RGS20: variants seen among roughly 807,000 people sequenced by gnomAD.
RGS20 encodes the protein gz-selective GTPase-activating protein.
In RGS20, 30 loss-of-function variants were observed where a neutral mutation model predicts 33.6. That is an observed-to-expected ratio of 0.89 (90% confidence interval 0.67 to 1.21). RGS20 has a LOEUF of 1.21. Ranked by LOEUF, RGS20 falls within the 50% of genes most tolerant of loss-of-function variation. The pLI is 0.00. For synonymous variants in RGS20, 208 were observed against 197.9 expected, an observed-to-expected ratio of 1.05 and a Z score of -0.43; for missense variants, 472 against 502.4, an observed-to-expected ratio of 0.94 and a Z score of 0.58.
At chr8:53,950,620 G>GT (rs942607346) in intron 4 of RGS20, among the ~76,000 whole-genome samples, 672 of 141,102 alleles carry the variant, frequency 4.8e-3, no homozygotes, top group Middle Eastern at 0.011. Flanking sequence ...TTAATGTTTT[G>GT]TTTTTTTTTT....
chr8:53,949,425 A>T (rs1355303429), intron 4 of RGS20, among the ~76,000 whole-genome samples: 1 of 151,782 alleles, frequency 6.6e-6, no homozygotes, highest in Middle Eastern at 3.4e-3. Flanking sequence ...TATATTATAT[A>T]ATATACGGTG....
At chr8:53,854,483 T>C (rs751720902) in intron 1 of RGS20, among the ~76,000 whole-genome samples, 1 of 151,890 alleles carries the variant, frequency 6.6e-6, no homozygotes, top group Non-Finnish European at 1.5e-5. Flanking sequence ...ATAGTCAACA[T>C]TGTTAGCCAC....
At chr8:53,903,166 G>A (rs568267951) in intron 2 of RGS20, among the ~76,000 whole-genome samples, 2 of 152,318 alleles carry the variant, frequency 1.3e-5, no homozygotes, top group South Asian at 4.1e-4. Context: ...GTACGTGTGT[G>A]TGCTTGTATA....
chr8:53,873,324 G>A (rs1812120942), intron 1 of RGS20, among the ~76,000 whole-genome samples: 1 of 152,088 alleles, frequency 6.6e-6, no homozygotes, highest in Non-Finnish European at 1.5e-5. Context: ...TTTCTTTATA[G>A]CAATGCAAGA....
At chr8:53,865,199 T>C (rs1370253482) in intron 1 of RGS20, among the ~76,000 whole-genome samples, 2 of 152,224 alleles carry the variant, frequency 1.3e-5, no homozygotes, top group African/African-American at 4.8e-5. Context: ...TGTTTGTTGA[T>C]TTTCAGGCTC....
intron 2 of RGS20, among the ~76,000 whole-genome samples, chr8:53,894,326 G>A (rs1185836134): frequency 1.3e-5 from 2 of 152,158 alleles, no homozygotes; most frequent in African/African-American, 4.8e-5. Context: ...CCAAGGGGGA[G>A]GGAGATCTAA....
chr8:53,921,023 G>A (rs992997741), intron 2 of RGS20, among the ~76,000 whole-genome samples: 1 of 152,226 alleles, frequency 6.6e-6, no homozygotes, highest in Non-Finnish European at 1.5e-5. Flanking sequence ...GCCTCCCAAA[G>A]TGCTGGGATA....
intron 2 of RGS20, among the ~76,000 whole-genome samples, chr8:53,886,176 G>C (rs117892950): frequency 5.9e-5 from 9 of 152,274 alleles, no homozygotes; most frequent in Admixed American, 5.9e-4. Context: ...CTGACTACAC[G>C]GCACCATCTG....
At chr8:53,927,201 GT>G (rs553191513) in intron 2 of RGS20, among the ~76,000 whole-genome samples, 19,193 of 126,620 alleles carry the variant, frequency 0.15, 1,042 homozygotes, top group African/African-American at 0.24. Flanking sequence ...TTTTTGGGGC[GT>G]TTTTTTTTTT....
At chr8:53,896,477 C>T (rs982837991) in intron 2 of RGS20, among the ~76,000 whole-genome samples, 12 of 152,168 alleles carry the variant, frequency 7.9e-5, no homozygotes, top group African/African-American at 2.9e-4. Flanking sequence ...GCTCTGGTCC[C>T]TCACTGAAAA....
intron 2 of RGS20, among the ~76,000 whole-genome samples, chr8:53,901,062 C>CTTT (rs367844788): frequency 7.6e-6 from 1 of 131,250 alleles, no homozygotes; most frequent in Admixed American, 7.6e-5. Context: ...ATACTTGTCT[C>CTTT]TTTTTTTTTT....
At chr8:53,878,633 C>A (rs1220125735) in intron 1 of RGS20, among the ~76,000 whole-genome samples, 1 of 152,100 alleles carries the variant, frequency 6.6e-6, no homozygotes, top group Non-Finnish European at 1.5e-5. Context: ...GCCGCACTGG[C>A]CAGTCCCTTT....
chr8:53,880,829 A>C, intron 2 of RGS20, 43 bp from the exon 1 acceptor site: 1 of 1,361,596 alleles, frequency 7.3e-7, no homozygotes. Context: ...GAGACGTGGG[A>C]TTGCCCGGCC....
At position 53,958,296 on chromosome 8, in the gene RGS20, A is replaced by G. The variant is rs1186675373; in HGVS notation, c.1005A>G (p.Glu335=). The G allele has an allele frequency of 1.9e-6, 3 of 1,612,988 alleles. No homozygotes were observed. In the South Asian group the frequency reaches 3.3e-5, roughly 18 times the overall value. Reference sequence around the variant, plus strand: ...TGAGCTTAGACTCCCGGGTGAGAGAAGTGATCAACAGAAACATGGTGGAGC... The same window carrying G: ...TGAGCTTAGACTCCCGGGTGAGAGAGGTGATCAACAGAAACATGGTGGAGC... Residue 335 remains glutamate (E), a synonymous_variant, in exon 6 of 6, where the codon GAA becomes GAG. Transcript: ENST00000297313.
chr8:53,920,709 A>T (rs974819629), intron 2 of RGS20, among the ~76,000 whole-genome samples: 1 of 152,138 alleles, frequency 6.6e-6, no homozygotes, highest in African/African-American at 2.4e-5. Flanking sequence ...GCTTCCTTAT[A>T]TGCCAATTTT....
At chr8:53,911,536 T>C (rs1813345980) in intron 2 of RGS20, among the ~76,000 whole-genome samples, 1 of 141,056 alleles carries the variant, frequency 7.1e-6, no homozygotes, top group Admixed American at 6.7e-5. Context: ...ATAGATACTT[T>C]TCTGAAAAAA....
At chr8:53,855,119 C>T (rs1339510531) in intron 1 of RGS20, among the ~76,000 whole-genome samples, 1 of 151,956 alleles carries the variant, frequency 6.6e-6, no homozygotes, top group African/African-American at 2.4e-5. Context: ...GGCTGGAGTG[C>T]AGTGGGGCAA....
intron 1 of RGS20, among the ~76,000 whole-genome samples, chr8:53,878,201 C>A (rs1220114326): frequency 6.6e-6 from 1 of 152,072 alleles, no homozygotes; most frequent in Admixed American, 6.5e-5. Context: ...TTGGATTGGC[C>A]GAGCTACATT....
intron 1 of RGS20, among the ~76,000 whole-genome samples, chr8:53,861,672 A>G (rs1444108009): frequency 6.6e-6 from 1 of 152,208 alleles, no homozygotes; most frequent in Admixed American, 6.5e-5. Flanking sequence ...TTTGAAGAGA[A>G]AGTATTATTA....
Sources: allele counts gnomAD v4.1 joint callset (sites outside exome capture counted in the v4.1 genomes callset), GRCh38; gene constraint gnomAD v4.1.1; transcripts MANE v1.5; gene names NCBI Gene and HGNC (gene_info 2026-07-23, HGNC 2026-07-21).